Variants in TMEM117 observed in about 807,000 individuals in gnomAD.
TMEM117 encodes the protein transmembrane protein 117.
In TMEM117, 27 loss-of-function variants were observed where a neutral mutation model predicts 52.4. The observed-to-expected ratio is 0.51, with a 90% CI of 0.38 to 0.71. The LOEUF (loss-of-function observed/expected upper bound fraction) is 0.71, where lower values mean the gene tolerates loss of function less well. Ranked by LOEUF, TMEM117 falls within the 30% of genes least tolerant of loss-of-function variation. The probability of loss-of-function intolerance (pLI) is 0.00; values close to 1 mark genes in which losing one functional copy is unlikely to be tolerated. For synonymous variants in TMEM117, 215 were observed against 206.3 expected (o/e 1.04, Z -0.36); for missense variants, 556 against 630.5 (o/e 0.88, Z 1.26).
intron 4 of TMEM117, among the ~76,000 whole-genome samples, chr12:44,152,277 TTA>T (rs1448294985): frequency 9.5e-6 from 1 of 105,432 alleles, no homozygotes; most frequent in South Asian, 3.2e-4. Flanking sequence ...CATATTTATA[TTA>T]TATATAATTA....
chr12:44,138,049 A>G (rs1157060367), intron 3 of TMEM117, among the ~76,000 whole-genome samples: 1 of 152,132 alleles, frequency 6.6e-6, no homozygotes, highest in Admixed American at 6.6e-5. Flanking sequence ...TATTCCCACT[A>G]TATAGATAAG....
intron 4 of TMEM117, among the ~76,000 whole-genome samples, chr12:44,196,319 C>A (rs1949419787): frequency 6.6e-6 from 1 of 151,796 alleles, no homozygotes; most frequent in African/African-American, 2.4e-5. Flanking sequence ...TCGAAATATA[C>A]AAAATTTGTT....
In TMEM117 at chr12:44,299,797, A is replaced by G. The variant is rs113686598; in HGVS notation, c.768+58A>G. Reference sequence around the variant, plus strand: ...CTGCATGCTCTGTTCCCAGTATAACAAACAGGATATGGCAACAGGCTCCAT... The same window carrying G: ...CTGCATGCTCTGTTCCCAGTATAACGAACAGGATATGGCAACAGGCTCCAT... On this transcript the variant is annotated intron_variant, in intron 6 of 7. Transcript: ENST00000266534. 5.3e-4 allele frequency: 835 copies of G among 1,590,240 alleles called. 5 individuals are homozygous for G. The African/African-American group carries it at 7.9e-3, about 15-fold the overall frequency.
At chr12:44,066,793 G>A (rs139173404) in intron 3 of TMEM117, among the ~76,000 whole-genome samples, 62 of 152,278 alleles carry the variant, frequency 4.1e-4, no homozygotes, top group African/African-American at 1.1e-3. Flanking sequence ...GTTTCTGAAG[G>A]TTGAGGGAGC....
At chr12:44,275,996 T>C (rs185707753) in intron 5 of TMEM117, among the ~76,000 whole-genome samples, 2 of 152,266 alleles carry the variant, frequency 1.3e-5, no homozygotes, top group Admixed American at 1.3e-4. Context: ...GGATGGATAG[T>C]TCAATTTTTA....
At position 44,074,883 on chromosome 12, in the gene TMEM117, A is replaced by T. The variant is rs991018155; in HGVS notation, c.411-68642A>T. On this transcript the variant is annotated intron_variant, in intron 3 of 7. Coordinates refer to ENST00000266534, the MANE Select transcript of TMEM117 (RefSeq NM_032256.3). ...ATGCTAGCATCTCTTGCTTCGTGGTAATTTAGACAAAATTGAGAAAGGATG... is the reference window on the plus strand; with the variant it reads ...ATGCTAGCATCTCTTGCTTCGTGGTTATTTAGACAAAATTGAGAAAGGATG... Among the ~76,000 whole-genome samples, 15 of 152,254 alleles carry T rather than the reference A, an allele frequency of 9.9e-5. No homozygotes were observed. The East Asian group carries it at 2.7e-3, about 27-fold the overall frequency.
chr12:44,149,696 C>A (rs73096900), intron 4 of TMEM117, among the ~76,000 whole-genome samples: 2,873 of 152,208 alleles, frequency 0.019, 59 homozygotes, highest in Middle Eastern at 0.024. Context: ...TGAACAGTAA[C>A]CTGGAATATA....
chr12:44,160,564 G>T (rs929029239), intron 4 of TMEM117, among the ~76,000 whole-genome samples: 6 of 152,164 alleles, frequency 3.9e-5, no homozygotes, highest in Non-Finnish European at 7.3e-5. Flanking sequence ...ATCACTTTGG[G>T]AGGCTGAGGT....
intron 3 of TMEM117, among the ~76,000 whole-genome samples, chr12:44,068,373 T>A (rs1319368014): frequency 6.6e-6 from 1 of 152,252 alleles, no homozygotes; most frequent in Non-Finnish European, 1.5e-5. Flanking sequence ...GCTTTTGACA[T>A]GCCTTCCTCA....
the TMEM117 span, among the ~76,000 whole-genome samples, chr12:43,819,694 T>G: frequency 3.3e-5 from 5 of 151,924 alleles, no homozygotes; most frequent in Admixed American, 6.6e-5. Flanking sequence ...GAGAATCGCA[T>G]GAACCCAGGA....
At chr12:44,289,162 G>A (rs1950671376) in intron 5 of TMEM117, among the ~76,000 whole-genome samples, 1 of 151,410 alleles carries the variant, frequency 6.6e-6, no homozygotes, top group Non-Finnish European at 1.5e-5. Context: ...TGTTCTTTAG[G>A]TGCATCCATG....
chr12:43,891,367 ATTTTT>A lies in TMEM117; in HGVS notation c.277+46458_277+46462del, dbSNP rs772754829. ...ATTTCTTTTGGGAAATACCTCTTGA[ATTTTT>A]TTTTTTTTTTTTTTTTTTGAGATGG... On this transcript the variant is annotated intron_variant, in intron 2 of 7. Transcript: ENST00000266534. Among the ~76,000 whole-genome samples, 225 of 57,804 alleles carry A rather than the reference ATTTTT, an allele frequency of 3.9e-3. No individual in the cohort carries two copies. The Middle Eastern group carries it at 0.12, about 30-fold the overall frequency. The allele number at this position is 57,804 out of a possible 152,430, so 37.9% of individuals were successfully genotyped here. A position where few individuals can be genotyped will look rare whatever the true frequency, so the allele number is the denominator to read the frequency against.
chr12:44,374,187 C>T (rs1348854958), intron 6 of TMEM117, among the ~76,000 whole-genome samples: 5 of 152,230 alleles, frequency 3.3e-5, no homozygotes, highest in African/African-American at 1.2e-4. Context: ...AGTTTACACT[C>T]ACTCGAGAAT....
upstream of TMEM117, among the ~76,000 whole-genome samples, chr12:43,831,485 T>C (rs1274957613): frequency 6.6e-6 from 1 of 152,034 alleles, no homozygotes; most frequent in Non-Finnish European, 1.5e-5. Context: ...AAATGTATTA[T>C]TGAGGTACTG....
intron 3 of TMEM117, among the ~76,000 whole-genome samples, chr12:43,958,107 T>C (rs1223732487): frequency 6.6e-6 from 1 of 152,236 alleles, no homozygotes; most frequent in African/African-American, 2.4e-5. Context: ...TAAGCACTTG[T>C]TATTTTGTGA....
the TMEM117 span, chr12:43,806,158 C>A: frequency 2.0e-6 from 3 of 1,534,324 alleles, no homozygotes; most frequent in Non-Finnish European, 2.6e-6. Context: ...GTCCTGCAGC[C>A]CTCCCGGCTC....
chr12:44,093,177 C>T lies in TMEM117; in HGVS notation c.411-50348C>T, dbSNP rs544560189. Among the ~76,000 whole-genome samples the T allele has an allele frequency of 1.5e-4, 23 of 152,116 alleles. No individual in the cohort carries two copies. The East Asian group carries it at 4.4e-3, about 29-fold the overall frequency. On this transcript the variant is annotated intron_variant, in intron 3 of 7. Coordinates refer to ENST00000266534, the MANE Select transcript of TMEM117 (RefSeq NM_032256.3). ...TATTAGGCTAAATCCTATTTTTTTT[C>T]AGTGTCTGGTCAAGGGAGATTTTTT... is the stretch of plus-strand genomic sequence containing the variant.
intron 3 of TMEM117, among the ~76,000 whole-genome samples, chr12:44,069,106 C>T (rs1165453759): frequency 6.6e-6 from 1 of 152,232 alleles, no homozygotes; most frequent in Admixed American, 6.5e-5. Context: ...ACTGACTATG[C>T]ATATTGCTTG....
At chr12:44,104,284 C>G (rs531092654) in intron 3 of TMEM117, among the ~76,000 whole-genome samples, 1 of 151,998 alleles carries the variant, frequency 6.6e-6, no homozygotes, top group African/African-American at 2.4e-5. Context: ...CTCCCTTCAT[C>G]TCTCCATTCT....
Sources: gnomAD v4.1 joint callset for allele counts (sites outside exome capture counted in the v4.1 genomes callset) on GRCh38, gnomAD v4.1.1 for gene constraint, MANE v1.5 for transcripts, NCBI Gene and HGNC (gene_info 2026-07-23, HGNC 2026-07-21) for gene names.